Variants in ADGRF3 observed in about 807,000 individuals in gnomAD.
ADGRF3 encodes the protein adhesion G protein-coupled receptor F3.
In ADGRF3, 85 loss-of-function variants were observed where a neutral mutation model predicts 93.2. The observed-to-expected ratio is 0.91, with a 90% CI of 0.77 to 1.09. The LOEUF is 1.09. Among genes scored for constraint, ADGRF3 ranks in the 50% least tolerant of loss-of-function variants. The probability of loss-of-function intolerance (pLI) is 0.00; values close to 1 mark genes in which losing one functional copy is unlikely to be tolerated. For synonymous variants in ADGRF3, 534 were observed against 532.5 expected, an observed-to-expected ratio of 1.00 and a Z score of -0.04; for missense variants, 1,125 against 1,246.2, an observed-to-expected ratio of 0.90 and a Z score of 1.46.
chr2:26,327,291 G>T (rs1429164791), intron 1 of ADGRF3, among the ~76,000 whole-genome samples: 1 of 152,174 alleles, frequency 6.6e-6, no homozygotes, highest in Non-Finnish European at 1.5e-5. Context: ...AAACTAATGT[G>T]GATACAGAAA....
At chr2:26,341,543 T>G (rs778706556) in intron 1 of ADGRF3, among the ~76,000 whole-genome samples, 16 of 152,168 alleles carry the variant, frequency 1.1e-4, no homozygotes, top group African/African-American at 1.9e-4. Context: ...GATGACCCAC[T>G]CATACAGTTC....
At chr2:26,334,956 G>C (rs569278832) in intron 1 of ADGRF3, among the ~76,000 whole-genome samples, 2 of 152,082 alleles carry the variant, frequency 1.3e-5, no homozygotes, top group Non-Finnish European at 2.9e-5. Flanking sequence ...AGTTGTAACA[G>C]GTATGCATAT....
intron 1 of ADGRF3, 45 bp downstream of exon 1, chr2:26,346,076 C>G (rs771943410): frequency 1.3e-6 from 2 of 1,531,330 alleles, no homozygotes; most frequent in South Asian, 1.2e-5. Flanking sequence ...CCGAAGGGGC[C>G]GAGGCGGCTA....
At chr2:26,310,556 G>T in intron 10 of ADGRF3, 136 bp downstream of exon 10, 2 of 882,684 alleles carry the variant, frequency 2.3e-6, no homozygotes, top group Non-Finnish European at 3.4e-6. Flanking sequence ...GAGGAACTGG[G>T]ATCCACACCT....
At chr2:26,334,145 G>A (rs767619852) in intron 1 of ADGRF3, among the ~76,000 whole-genome samples, 2 of 151,890 alleles carry the variant, frequency 1.3e-5, no homozygotes, top group Non-Finnish European at 2.9e-5. Flanking sequence ...TACAAGGATA[G>A]GATTTTTAAA....
chr2:26,335,053 A>T (rs1263778422), intron 1 of ADGRF3, among the ~76,000 whole-genome samples: 2 of 152,194 alleles, frequency 1.3e-5, no homozygotes, highest in Admixed American at 1.3e-4. Flanking sequence ...CTTTTTAAAA[A>T]TTGAGATAAA....
At chr2:26,330,541 G>T (rs1675705446) in intron 1 of ADGRF3, among the ~76,000 whole-genome samples, 1 of 152,110 alleles carries the variant, frequency 6.6e-6, no homozygotes, top group African/African-American at 2.4e-5. Flanking sequence ...CATAAATTCT[G>T]ATCAGAGGAA....
At chr2:26,312,493 C>T (rs1226923599) in intron 9 of ADGRF3, among the ~76,000 whole-genome samples, 3 of 152,230 alleles carry the variant, frequency 2.0e-5, no homozygotes, top group Non-Finnish European at 4.4e-5. Flanking sequence ...TGCATTCACA[C>T]ATGCCATGTA....
At chr2:26,336,722 TAAAAAAAAAAAAAAAAAA>T (rs57691864) in intron 1 of ADGRF3, among the ~76,000 whole-genome samples, 1 of 22,050 alleles carries the variant, frequency 4.5e-5, no homozygotes, top group Non-Finnish European at 1.1e-4. Flanking sequence ...TGAGACTCCA[TAAAAAAAAAAAAAAAAAA>T]AAAAAAAAAA....
At chr2:26,336,342 GTGTT>G (rs1325724976) in intron 1 of ADGRF3, among the ~76,000 whole-genome samples, 1 of 151,960 alleles carries the variant, frequency 6.6e-6, no homozygotes, top group East Asian at 1.9e-4. Flanking sequence ...GTGTGAGTGT[GTGTT>G]TGTATGTATG....
Position 26,346,249 on chromosome 2 carries a change from A to G in ADGRF3, c.-15T>C, listed in dbSNP as rs1428408274. On this transcript the variant is annotated 5_prime_UTR_variant, in exon 1 of 14. Coordinates refer to ENST00000651242, the MANE Select transcript of ADGRF3 (RefSeq NM_001321971.2). The stretch of plus-strand genomic sequence containing the variant: ...CGGGTCGTCATGGCTGGCTACGAAT[A>G]CGTGAGCCCGGAGCAGCTGGCTGGC... 3 of 1,613,500 alleles carry G rather than the reference A, an allele frequency of 1.9e-6. No homozygotes were observed. The highest frequency in any genetic ancestry group is 2.2e-5 in the East Asian group (1 of 44,870).
chr2:26,318,754 G>A, intron 1 of ADGRF3: 2 of 717,624 alleles, frequency 2.8e-6, no homozygotes, highest in Non-Finnish European at 4.6e-6. Flanking sequence ...CTCAAATAAG[G>A]AAACAAGAGC....
At chr2:26,324,485 C>A (rs1473118170) in intron 1 of ADGRF3, among the ~76,000 whole-genome samples, 1 of 138,736 alleles carries the variant, frequency 7.2e-6, no homozygotes, top group Non-Finnish European at 1.6e-5. Context: ...TCCTGACCCA[C>A]CCTCTGAAAG....
In ADGRF3 at chr2:26,313,756, G is replaced by A. The variant is rs370602187; in HGVS notation, c.1072+4C>T. The A allele has an allele frequency of 2.1e-5, 34 of 1,613,590 alleles. No individual in the cohort carries two copies. In the East Asian group the frequency reaches 3.8e-4, roughly 18 times the overall value. On this transcript the variant is annotated splice_donor_region_variant and intron_variant, in intron 7 of 13. Transcript: ENST00000651242. ...CAGCCCACTGGGCCCCAGGCCCTGC[G>A]TACCCTGGATGATGGTGATGGAGAT...
At chr2:26,329,214 C>T (rs1444146673) in intron 1 of ADGRF3, among the ~76,000 whole-genome samples, 1 of 152,238 alleles carries the variant, frequency 6.6e-6, no homozygotes, top group Non-Finnish European at 1.5e-5. Context: ...TGGCTCACTG[C>T]CGCCTTGACC....
At chr2:26,336,345 T>TG (rs1676036607) in intron 1 of ADGRF3, among the ~76,000 whole-genome samples, 6 of 151,568 alleles carry the variant, frequency 4.0e-5, no homozygotes, top group Admixed American at 6.6e-5. Flanking sequence ...TGAGTGTGTG[T>TG]TTGTATGTAT....
chr2:26,311,904 C>G lies in ADGRF3; in HGVS notation c.1620G>C (p.Val540=). 1.9e-6 allele frequency: 3 copies of G among 1,613,888 alleles called. No individual in the cohort carries two copies. Among genetic ancestry groups the G allele is most frequent in the Non-Finnish European group, 2.5e-6 (3 of 1,179,844 alleles). ...DHPFAFSLPN[V]LLQSQLFGPT... The stretch of plus-strand genomic sequence containing the variant: ...GTCCAAACAGCTGGCTCTGCAGCAG[C>G]ACATTGGGTAAGCTGAAGGCGAAGG... The change falls in exon 10 of 14, where the codon GTG becomes GTC. Residue 540 remains valine, a synonymous_variant. Coordinates refer to ENST00000651242, the MANE Select transcript of ADGRF3 (RefSeq NM_001321971.2).
chr2:26,336,723 A>T (rs541346966), intron 1 of ADGRF3, among the ~76,000 whole-genome samples: 50 of 28,546 alleles, frequency 1.8e-3, no homozygotes, highest in South Asian at 5.9e-3. Context: ...GAGACTCCAT[A>T]AAAAAAAAAA....
Position 26,310,113 on chromosome 2 carries a change from A to G in ADGRF3, c.2875-8T>C, listed in dbSNP as rs1558375818. On this transcript the variant is annotated splice_region_variant and splice_polypyrimidine_tract_variant and intron_variant, in intron 11 of 13. Transcript: ENST00000651242. ...GCGCAAAGCTTCTTGTATCTGCGGGAGAGGTAAATGCTCTGCTTATGCCAG... is the reference window on the plus strand; with the variant it reads ...GCGCAAAGCTTCTTGTATCTGCGGGGGAGGTAAATGCTCTGCTTATGCCAG... 6.2e-7 allele frequency: 1 copy of G among 1,613,974 alleles called. No individual in the cohort carries two copies. Among genetic ancestry groups the G allele is most frequent in the Non-Finnish European group, 8.5e-7 (1 of 1,179,888 alleles).
Sources: gnomAD v4.1 joint callset for allele counts (sites outside exome capture counted in the v4.1 genomes callset) on GRCh38, gnomAD v4.1.1 for gene constraint, MANE v1.5 for transcripts, NCBI Gene and HGNC (gene_info 2026-07-23, HGNC 2026-07-21) for gene names.